Variants in ZSCAN31 observed in about 807,000 individuals in gnomAD.
ZSCAN31 encodes the protein zinc finger and SCAN domain containing 31.
In ZSCAN31, 14 loss-of-function variants were observed where a neutral mutation model predicts 22.5. The observed-to-expected ratio is 0.62, with a 90% CI of 0.41 to 0.97. ZSCAN31 has a LOEUF of 0.97. Among genes scored for constraint, ZSCAN31 ranks in the 50% least tolerant of loss-of-function variants. ZSCAN31 has a pLI of 0.00. For missense variants in ZSCAN31, 424 were observed against 483.4 expected, an observed-to-expected ratio of 0.88 and a Z score of 1.15; for synonymous variants, 168 against 169.8, an observed-to-expected ratio of 0.99 and a Z score of 0.08.
chr6:28,330,916 G>A (rs1763687147), intron 1 of ZSCAN31, among the ~76,000 whole-genome samples: 1 of 152,170 alleles, frequency 6.6e-6, no homozygotes, highest in Non-Finnish European at 1.5e-5. Context: ...ATCAGGCAGA[G>A]AAAGGAAGGT....
upstream of ZSCAN31, among the ~76,000 whole-genome samples, chr6:28,339,792 A>AT (rs1764341785): frequency 6.6e-6 from 1 of 152,260 alleles, no homozygotes; most frequent in Non-Finnish European, 1.5e-5. Context: ...AAAATAAGAG[A>AT]TGGGGAGTCA....
intron 2 of ZSCAN31, among the ~76,000 whole-genome samples, chr6:28,328,490 G>C (rs1381556331): frequency 1.3e-5 from 2 of 152,206 alleles, no homozygotes; most frequent in African/African-American, 4.8e-5. Context: ...GAGAAATATG[G>C]CTCTGTTCCG....
At chr6:28,343,776 C>T (rs1764526629) in intron 2 of ZSCAN31, among the ~76,000 whole-genome samples, 1 of 152,104 alleles carries the variant, frequency 6.6e-6, no homozygotes, top group Admixed American at 6.5e-5. Context: ...GATCCGCCCG[C>T]CTTGGCCTCC....
chr6:28,339,030 CTT>C (rs1256669159), upstream of ZSCAN31, among the ~76,000 whole-genome samples: 3 of 152,128 alleles, frequency 2.0e-5, no homozygotes, highest in African/African-American at 7.2e-5. Context: ...ATTATGATGT[CTT>C]TGTCAATATC....
intron 3 of ZSCAN31, 92 bp from the exon 4 acceptor site, chr6:28,326,946 G>T: frequency 8.2e-7 from 1 of 1,224,268 alleles, no homozygotes; most frequent in Non-Finnish European, 1.1e-6. Context: ...ATATCAAACA[G>T]ACATGTTCTA....
chr6:28,341,307 C>G (rs1397643274), intron 3 of ZSCAN31, among the ~76,000 whole-genome samples: 1 of 152,220 alleles, frequency 6.6e-6, no homozygotes, highest in Non-Finnish European at 1.5e-5. Flanking sequence ...TCGTTGCTCA[C>G]AGTCCTGAAG....
In ZSCAN31 at chr6:28,349,004, CAT is replaced by C. The variant is rs1276913474; in HGVS notation, c.-371+4856_-371+4857del. 7.8e-6 allele frequency among the ~76,000 whole-genome samples: 1 copy of C among 128,596 alleles called. No homozygotes were observed. The highest frequency in any genetic ancestry group is 3.0e-5 in the African/African-American group (1 of 33,804). The allele number at this position is 128,596 out of a possible 152,430, so 84.4% of individuals were successfully genotyped here. A position where few individuals can be genotyped will look rare whatever the true frequency, so the allele number is the denominator to read the frequency against. ...TATACATAGGTGTATATACATGTCT[CAT>C]ATACATAGGTGTATATACATGTCTC... On this transcript the variant is annotated intron_variant, in intron 2 of 7. Coordinates refer to the ZSCAN31 transcript ENST00000396838. The surrounding 1 kb of genome is among the most constrained non-coding windows in gnomAD (Gnocchi z 4.1).
rs1581721483 is a variant in ZSCAN31 at position 28,354,007 on chromosome 6, C to G, written c.-461-55G>C. ...AGCAGCAGCTGCTGCAGCTCTCACA[C>G]TGTCTGCCTCTGTCTCGGCTGCCTC... On this transcript the variant is annotated intron_variant, in intron 1 of 7. Coordinates refer to the ZSCAN31 transcript ENST00000396838. 1.6e-5 allele frequency: 7 copies of G among 451,406 alleles called. No homozygotes were observed. In the East Asian group the frequency reaches 4.9e-4, roughly 31 times the overall value. The allele number at this position is 451,406 out of a possible 1,614,324, so 28.0% of individuals were successfully genotyped here.
chr6:28,346,656 C>T (rs929316438), intron 2 of ZSCAN31, among the ~76,000 whole-genome samples: 1 of 152,096 alleles, frequency 6.6e-6, no homozygotes, highest in Non-Finnish European at 1.5e-5. Flanking sequence ...GGCACTCAGC[C>T]TCCTTGGTAC....
In ZSCAN31 at chr6:28,326,065, A is replaced by G. The variant is rs538016272; in HGVS notation, c.*101T>C. On this transcript the variant is annotated 3_prime_UTR_variant, in exon 4 of 4. Coordinates refer to ENST00000344279, the MANE Select transcript of ZSCAN31 (RefSeq NM_030899.5). ...CAAGACGGCCCCATTTAGGGGTCTG[A>G]GGGTCCACAGAATTAGTCCAGTTCT... 1.2e-5 allele frequency: 13 copies of G among 1,111,690 alleles called. No homozygotes were observed. The East Asian group carries it at 2.6e-4, about 22-fold the overall frequency. The allele number at this position is 1,111,690 out of a possible 1,614,324, so 68.9% of individuals were successfully genotyped here. A position where few individuals can be genotyped will look rare whatever the true frequency, so the allele number is the denominator to read the frequency against.
intron 2 of ZSCAN31, among the ~76,000 whole-genome samples, chr6:28,344,422 A>G (rs945271068): frequency 8.5e-5 from 13 of 152,200 alleles, no homozygotes; most frequent in Non-Finnish European, 1.6e-4. Flanking sequence ...CATGTGCAGG[A>G]CTAGAGGACA....
At chr6:28,354,805 T>A (rs1765316161), upstream of ZSCAN31, among the ~76,000 whole-genome samples, 1 of 152,260 alleles carries the variant, frequency 6.6e-6, no homozygotes, top group African/African-American at 2.4e-5. Context: ...CTCATAGATC[T>A]GGCCACATGG....
At position 28,349,044 on chromosome 6, in the gene ZSCAN31, GTA is replaced by G. The variant is rs1764780515; in HGVS notation, c.-371+4816_-371+4817del. 8.5e-5 allele frequency among the ~76,000 whole-genome samples: 11 copies of G among 129,570 alleles called. No individual in the cohort carries two copies. The highest frequency in any genetic ancestry group is 2.4e-4 in the African/African-American group (8 of 33,938). The allele number at this position is 129,570 out of a possible 152,430, so 85.0% of individuals were successfully genotyped here. Reference sequence around the variant, plus strand: ...ATATACATGTCTCATATACATAGGTGTATATACATGTCTCATATACATAGGTG... The same window carrying G: ...ATATACATGTCTCATATACATAGGTGTATACATGTCTCATATACATAGGTG... On this transcript the variant is annotated intron_variant, in intron 2 of 7. Coordinates refer to the ZSCAN31 transcript ENST00000396838. This position sits in a 1 kb window ranked among gnomAD's most constrained non-coding sequence, Gnocchi z 4.1.
Position 28,326,073 on chromosome 6 carries a change from C to T in ZSCAN31, c.*93G>A. 4 of 1,231,808 alleles carry T rather than the reference C, an allele frequency of 3.2e-6. No homozygotes were observed. Among genetic ancestry groups the T allele is most frequent in the East Asian group, 2.3e-5 (1 of 42,670 alleles). The allele number at this position is 1,231,808 out of a possible 1,614,324, so 76.3% of individuals were successfully genotyped here. A position where few individuals can be genotyped will look rare whatever the true frequency, so the allele number is the denominator to read the frequency against. Reference sequence around the variant, plus strand: ...CCCCATTTAGGGGTCTGAGGGTCCACAGAATTAGTCCAGTTCTGCTGGAAC... The same window carrying T: ...CCCCATTTAGGGGTCTGAGGGTCCATAGAATTAGTCCAGTTCTGCTGGAAC... On this transcript the variant is annotated 3_prime_UTR_variant, in exon 4 of 4. Transcript: ENST00000344279.
rs1270051762 is a variant in ZSCAN31, at chr6:28,326,740, T to G, written c.647A>C (p.Tyr216Ser). ...LQRDVSLDSK[Y>S]RETCKRDSKA... ...GCTGTCTCGTTTACAAGTTTCTCTG[T>G]ACTTAGAATCCAAAGATACATCTCT... The change falls in exon 4 of 4, where the codon TAC becomes TCC. Residue 216 changes from tyrosine to serine, a missense_variant. Physicochemically the swap from Tyr to Ser is moderately radical, Grantham distance 144. Transcript: ENST00000344279. 4 of 1,614,138 alleles carry G rather than the reference T, an allele frequency of 2.5e-6. No individual in the cohort carries two copies. The highest frequency in any genetic ancestry group is 1.3e-5 in the African/African-American group (1 of 75,056).
chr6:28,341,581 G>T (rs1400803168), intron 3 of ZSCAN31, among the ~76,000 whole-genome samples: 1 of 152,210 alleles, frequency 6.6e-6, no homozygotes, highest in Non-Finnish European at 1.5e-5. Flanking sequence ...ACAAACTTCA[G>T]ACCATAGGAC....
intron 1 of ZSCAN31, among the ~76,000 whole-genome samples, 193 bp from the exon 2 acceptor site, chr6:28,329,971 C>T (rs1209840744): frequency 6.6e-6 from 1 of 152,190 alleles, no homozygotes; most frequent in Non-Finnish European, 1.5e-5. Flanking sequence ...CTTCCCCCTT[C>T]CCTATAGCCA....
chr6:28,326,365 T>C lies in ZSCAN31; in HGVS notation c.1022A>G (p.His341Arg), dbSNP rs1425543361. The C allele has an allele frequency of 6.2e-7, 1 of 1,614,260 alleles. No individual in the cohort carries two copies. Among genetic ancestry groups the C allele is most frequent in the African/African-American group, 1.3e-5 (1 of 75,068 alleles). ...CTTCTCTCCAGTGTGTATCCTCTGA[T>C]GCTGAACAAGGCATGAGCTGAGGAG... ...AFLLSSCLVQ[H>R]QRIHTGEKRY... Residue 341 changes from histidine (H) to arginine (R), a missense_variant, in exon 4 of 4, where the codon CAT (histidine) becomes CGT (arginine). Coordinates refer to ENST00000344279, the MANE Select transcript of ZSCAN31 (RefSeq NM_030899.5).
In ZSCAN31 at chr6:28,331,745, A is replaced by G. The variant is rs1763759748; in HGVS notation, c.-95-1967T>C. Among the ~76,000 whole-genome samples the G allele has an allele frequency of 2.6e-5, 4 of 152,224 alleles. No homozygotes were observed. Among genetic ancestry groups the G allele is most frequent in the African/African-American group, 9.6e-5 (4 of 41,456 alleles). On this transcript the variant is annotated intron_variant, in intron 1 of 3. Coordinates refer to ENST00000344279, the MANE Select transcript of ZSCAN31 (RefSeq NM_030899.5). The surrounding 1 kb of genome is among the most constrained non-coding windows in gnomAD (Gnocchi z 4.8). ...TAGCTTCTCATGGCCTTAGGTTTAT[A>G]GGCAAAAATTGTTCTGCAAATATGC...
Sources: gnomAD v4.1 joint callset for allele counts (sites outside exome capture counted in the v4.1 genomes callset) on GRCh38, gnomAD v4.1.1 for gene constraint, Gnocchi (gnomAD v3.1) non-coding constraint, MANE v1.5 for transcripts, NCBI Gene and HGNC (gene_info 2026-07-23, HGNC 2026-07-21) for gene names.